CACNA1A: variants seen among roughly 807,000 people sequenced by gnomAD.
The protein encoded by CACNA1A is calcium voltage-gated channel subunit alpha1 A.
CACNA1A carries 57 observed loss-of-function variants against 262.4 expected under a neutral mutation model. That is an observed-to-expected ratio of 0.22 (90% CI 0.18 to 0.27). The LOEUF (loss-of-function observed/expected upper bound fraction) is 0.27, where lower values mean the gene tolerates loss of function less well. CACNA1A is among the 10% of genes least tolerant of loss of function. The pLI, the probability that CACNA1A is intolerant of heterozygous loss-of-function variation, is 1.00. For missense variants in CACNA1A, 2,526 were observed against 3,562.8 expected, an observed-to-expected ratio of 0.71 and a Z score of 7.41; for synonymous variants, 1,431 against 1,419.3, an observed-to-expected ratio of 1.01 and a Z score of -0.18.
intron 1 of CACNA1A, among the ~76,000 whole-genome samples, chr19:13,499,714 G>A (rs1250361167): frequency 6.6e-6 from 1 of 152,098 alleles, no homozygotes. Flanking sequence ...AGATAACATG[G>A]CTGGTGAATA....
chr19:13,228,838 C>T, intron 36 of CACNA1A: 1 of 1,162,626 alleles, frequency 8.6e-7, no homozygotes, highest in Non-Finnish European at 1.3e-6. Flanking sequence ...AATGGGTTCA[C>T]ACGGGCTCCC....
At chr19:13,250,645 C>G (rs949023000) in intron 30 of CACNA1A, among the ~76,000 whole-genome samples, 1 of 152,118 alleles carries the variant, frequency 6.6e-6, no homozygotes, top group African/African-American at 2.4e-5. Flanking sequence ...ATCCACCCAC[C>G]TCTGTCTCCC....
chr19:13,227,474 G>A lies in CACNA1A; in HGVS notation c.5582C>T (p.Pro1861Leu). ...CGGACACTTCTTCCCCAGACCCAGG[G>A]GCGGAGACATGTGTCTCAGCATCTG... is the stretch of plus-strand genomic sequence containing the variant. Reference protein sequence around the residue: ...MYQMLRHMSPPLGLGKKCPAR... With the variant: ...MYQMLRHMSPLLGLGKKCPAR... Residue 1861 changes from proline (P) to leucine (L), a missense_variant, in exon 37 of 47, where the codon CCC (proline) becomes CTC (leucine). Pro to Leu is a moderately conservative substitution (Grantham distance 98). Around this residue, in one of 17 missense-constraint regions of CACNA1A, gnomAD observed 112 missense variants for 197.2 expected, o/e 0.57. Transcript: ENST00000360228. The A allele has an allele frequency of 6.2e-7, 1 of 1,610,050 alleles. No individual in the cohort carries two copies. Among genetic ancestry groups the A allele is most frequent in the Admixed American group, 1.7e-5 (1 of 59,894 alleles).
chr19:13,316,274 T>G (rs906421582), intron 11 of CACNA1A: 8 of 136,400 alleles, frequency 5.9e-5, no homozygotes, highest in African/African-American at 2.4e-4. Flanking sequence ...GCTGCTCTTG[T>G]TGATTCCTCG....
chr19:13,487,723 GC>G (rs987878684), intron 1 of CACNA1A, among the ~76,000 whole-genome samples: 1 of 151,258 alleles, frequency 6.6e-6, no homozygotes, highest in Admixed American at 6.6e-5. Context: ...TAGCTCTAAG[GC>G]TGCTGACCTC....
chr19:13,466,897 T>TTTATTTAC (rs2061254510), intron 1 of CACNA1A, among the ~76,000 whole-genome samples: 1 of 150,932 alleles, frequency 6.6e-6, no homozygotes, highest in Admixed American at 6.6e-5. Context: ...TATTTATTTA[T>TTTATTTAC]TTATTTATTT....
At chr19:13,470,845 A>G (rs1210266015) in intron 1 of CACNA1A, among the ~76,000 whole-genome samples, 8 of 152,172 alleles carry the variant, frequency 5.3e-5, no homozygotes. Flanking sequence ...CAATAGCTAT[A>G]CCACTCTGTG....
chr19:13,247,253 C>T (rs544415967), intron 30 of CACNA1A, among the ~76,000 whole-genome samples: 11 of 152,264 alleles, frequency 7.2e-5, no homozygotes, highest in Non-Finnish European at 1.5e-4. Context: ...GTGCTTCCCT[C>T]CTAGGCGAAG....
intron 6 of CACNA1A, among the ~76,000 whole-genome samples, chr19:13,346,364 T>C (rs1169773812): frequency 6.6e-6 from 1 of 151,838 alleles, no homozygotes; most frequent in African/African-American, 2.4e-5. Context: ...TGCTGTTCCC[T>C]GAGATATCTC....
chr19:13,489,007 T>C (rs1026977579), intron 1 of CACNA1A, among the ~76,000 whole-genome samples: 1 of 104,584 alleles, frequency 9.6e-6, no homozygotes, highest in Non-Finnish European at 1.8e-5. Flanking sequence ...TCTTTTCTTT[T>C]TTTTTTTTTT....
chr19:13,363,842 C>T (rs1205427779), intron 5 of CACNA1A: 2 of 152,280 alleles, frequency 1.3e-5, no homozygotes, highest in African/African-American at 4.8e-5. Context: ...TTCAGTCTGT[C>T]TGCACCCAGA....
rs555705672 is a variant in CACNA1A at position 13,458,682 on chromosome 19, C to T, written c.294-3470G>A. Reference sequence around the variant, plus strand: ...TCATTTGGGTTTAGGAGGCCTCCCTCCCTAGTGTCCCACCAGAGGATCTGC... The same window carrying T: ...TCATTTGGGTTTAGGAGGCCTCCCTTCCTAGTGTCCCACCAGAGGATCTGC... On this transcript the variant is annotated intron_variant, in intron 1 of 46. Transcript: ENST00000360228. Among the ~76,000 whole-genome samples the T allele has an allele frequency of 1.1e-4, 16 of 152,248 alleles. 1 individual carries two copies. The South Asian group carries it at 3.1e-3, about 30-fold the overall frequency.
chr19:13,454,286 G>A (rs1156344097), intron 2 of CACNA1A, among the ~76,000 whole-genome samples: 1 of 151,302 alleles, frequency 6.6e-6, no homozygotes, highest in Non-Finnish European at 1.5e-5. Context: ...AAGCTACCTA[G>A]AAGCTGCCAG....
chr19:13,278,636 GT>G (rs2057209643), intron 22 of CACNA1A, among the ~76,000 whole-genome samples: 1 of 152,206 alleles, frequency 6.6e-6, no homozygotes, highest in South Asian at 2.1e-4. Context: ...CCACCCAAAT[GT>G]CAGCCCCACA....
At chr19:13,473,493 A>G (rs530194877) in intron 1 of CACNA1A, among the ~76,000 whole-genome samples, 5 of 152,316 alleles carry the variant, frequency 3.3e-5, no homozygotes, top group Non-Finnish European at 7.3e-5. Context: ...ACTGGGTGAC[A>G]ATATATTTAT....
chr19:13,424,532 C>CATA (rs1212457132), intron 3 of CACNA1A, among the ~76,000 whole-genome samples: 2 of 151,952 alleles, frequency 1.3e-5, no homozygotes, highest in Non-Finnish European at 2.9e-5. Context: ...GTGGCATGAT[C>CATA]ATAGATCACT....
rs368791169 is a variant in CACNA1A at position 13,228,772 on chromosome 19, A to G, written c.5529-1245T>C. ...AGATATTACTCGTAATAAACTGTACATATCCTTATAATGAATCCGACCGCT... is the reference window on the plus strand; with the variant it reads ...AGATATTACTCGTAATAAACTGTACGTATCCTTATAATGAATCCGACCGCT... On this transcript the variant is annotated intron_variant, in intron 36 of 46. Transcript: ENST00000360228. 8.1e-6 allele frequency: 13 copies of G among 1,598,226 alleles called. No homozygotes were observed. In the African/African-American group the frequency reaches 1.2e-4, roughly 15 times the overall value.
At chr19:13,407,215 G>C (rs2060027109) in intron 3 of CACNA1A, among the ~76,000 whole-genome samples, 1 of 152,168 alleles carries the variant, frequency 6.6e-6, no homozygotes, top group Non-Finnish European at 1.5e-5. Context: ...AAAACGCGTA[G>C]ACAGTACAAA....
chr19:13,265,696 G>T (rs902340053), intron 24 of CACNA1A, among the ~76,000 whole-genome samples: 1 of 151,876 alleles, frequency 6.6e-6, no homozygotes, highest in Non-Finnish European at 1.5e-5. Context: ...TCTTTTCCAC[G>T]TATCTTTCAG....
Sources: allele counts gnomAD v4.1 joint callset (sites outside exome capture counted in the v4.1 genomes callset), GRCh38; gene constraint gnomAD v4.1.1; regional missense constraint gnomAD v4.1.1; transcripts MANE v1.5; gene names NCBI Gene and HGNC (gene_info 2026-07-23, HGNC 2026-07-21).